Variants in MALT1 observed in about 807,000 individuals in gnomAD.
The protein encoded by MALT1 is mucosa-associated lymphoid tissue lymphoma translocation protein 1.
Under a neutral mutation model 85.5 loss-of-function variants are expected in MALT1, and 36 were observed. The ratio of observed to expected loss-of-function variants is 0.42; its 90% CI spans 0.32 to 0.56. The LOEUF (loss-of-function observed/expected upper bound fraction) is 0.56, where lower values mean the gene tolerates loss of function less well. Among genes scored for constraint, MALT1 ranks in the 20% least tolerant of loss-of-function variants. The probability of loss-of-function intolerance (pLI) is 0.10; values close to 1 mark genes in which losing one functional copy is unlikely to be tolerated. For synonymous variants in MALT1, 359 were observed against 361.3 expected, an observed-to-expected ratio of 0.99 and a Z score of 0.07; for missense variants, 716 against 981.6, an observed-to-expected ratio of 0.73 and a Z score of 3.62.
intron 3 of MALT1, among the ~76,000 whole-genome samples, chr18:58,698,039 T>TTTTTG (rs1161591200): frequency 6.2e-4 from 26 of 41,706 alleles, no homozygotes; most frequent in African/African-American, 1.5e-3. Context: ...CGTGGGGTTT[T>TTTTTG]TTGTTGTTGT....
At chr18:58,704,575 G>C (rs959700161) in intron 4 of MALT1, among the ~76,000 whole-genome samples, 33 of 152,146 alleles carry the variant, frequency 2.2e-4, no homozygotes, top group Non-Finnish European at 3.2e-4. Context: ...TCCTACCTCA[G>C]CCTCCTGAGT....
intron 2 of MALT1, among the ~76,000 whole-genome samples, chr18:58,688,761 G>C (rs1404657088): frequency 6.6e-6 from 1 of 152,006 alleles, no homozygotes; most frequent in Non-Finnish European, 1.5e-5. Flanking sequence ...TTCATGAGCC[G>C]TGTCCTGGTG....
intron 10 of MALT1, among the ~76,000 whole-genome samples, 181 bp downstream of exon 10, chr18:58,723,432 CATGTCTTTACTTTT>C (rs2055011895): frequency 6.6e-6 from 1 of 151,972 alleles, no homozygotes; most frequent in Non-Finnish European, 1.5e-5. Flanking sequence ...TAATTAGCTT[CATGTCTTTACTTTT>C]ATGTTTCCTG....
chr18:58,674,423 G>T (rs527311846), intron 1 of MALT1, among the ~76,000 whole-genome samples: 59 of 152,310 alleles, frequency 3.9e-4, no homozygotes, highest in African/African-American at 1.4e-3. Flanking sequence ...TGGGAAGTCT[G>T]ATGAGAGGCA....
At chr18:58,719,528 G>A (rs1435598506) in intron 9 of MALT1, among the ~76,000 whole-genome samples, 1 of 152,176 alleles carries the variant, frequency 6.6e-6, no homozygotes, top group Non-Finnish European at 1.5e-5. Flanking sequence ...AGTGGAAACT[G>A]TCAGAGCTTT....
intron 7 of MALT1, among the ~76,000 whole-genome samples, chr18:58,713,195 T>C (rs1381089517): frequency 1.3e-5 from 2 of 152,174 alleles, no homozygotes; most frequent in Admixed American, 6.6e-5. Context: ...ATTAAAAAAG[T>C]ATGAATAGTA....
At chr18:58,718,787 A>G (rs2054939945) in intron 9 of MALT1, among the ~76,000 whole-genome samples, 1 of 152,244 alleles carries the variant, frequency 6.6e-6, no homozygotes, top group African/African-American at 2.4e-5. Flanking sequence ...GAAATTGTTC[A>G]TAGAAGATGG....
chr18:58,694,721 T>G (rs2054562502), intron 2 of MALT1, among the ~76,000 whole-genome samples: 1 of 152,216 alleles, frequency 6.6e-6, no homozygotes, highest in South Asian at 2.1e-4. Context: ...AGGCTAGTAG[T>G]CCAGAAGTGG....
At chr18:58,719,626 G>A (rs1046925687) in intron 9 of MALT1, among the ~76,000 whole-genome samples, 1 of 152,186 alleles carries the variant, frequency 6.6e-6, no homozygotes, top group African/African-American at 2.4e-5. Flanking sequence ...TCACAGGTGG[G>A]GGTGACTGTA....
chr18:58,731,845 CCTT>C (rs537133562), intron 10 of MALT1, among the ~76,000 whole-genome samples: 5 of 152,144 alleles, frequency 3.3e-5, no homozygotes, highest in East Asian at 1.9e-4. Flanking sequence ...GGAACTTTGT[CCTT>C]CTTTTTTGTT....
chr18:58,710,031 A>T lies in MALT1; in HGVS notation c.884A>T (p.Asp295Val), dbSNP rs1321837187. ...QGTYWCHVYNDRDSQDSKKVE... is the reference protein window; with the variant it reads ...QGTYWCHVYNVRDSQDSKKVE... ...ACCTACTGGTGTCATGTATATAATG[A>T]TCGAGACAGTCAAGATAGCAAGAAG... The change falls in exon 6 of 17, where the codon GAT becomes GTT. Residue 295 changes from aspartate (D) to valine (V), a missense_variant. Coordinates refer to ENST00000649217, the MANE Select transcript of MALT1 (RefSeq NM_006785.4). The T allele has an allele frequency of 1.9e-6, 3 of 1,612,584 alleles. No homozygotes were observed. The East Asian group carries it at 6.7e-5, about 36-fold the overall frequency.
At chr18:58,699,741 A>G (rs1019108194) in intron 3 of MALT1, among the ~76,000 whole-genome samples, 15 of 152,202 alleles carry the variant, frequency 9.9e-5, no homozygotes, top group African/African-American at 3.6e-4. Context: ...GAGGCACTTG[A>G]GTAAGCCCCT....
At chr18:58,696,337 A>ATTTTTT in intron 2 of MALT1, 29 bp from the exon 3 acceptor site, 85 of 990,648 alleles carry the variant, frequency 8.6e-5, no homozygotes, top group Middle Eastern at 5.6e-4. Flanking sequence ...TGTGACTTTA[A>ATTTTTT]TTTTTTTTTT....
intron 9 of MALT1, among the ~76,000 whole-genome samples, chr18:58,720,985 A>G (rs558006151): frequency 8.7e-4 from 132 of 152,318 alleles, no homozygotes; most frequent in African/African-American, 3.0e-3. Flanking sequence ...TCCTTATTCT[A>G]ATAGCATTGA....
chr18:58,701,558 G>A (rs1461066853), intron 4 of MALT1, among the ~76,000 whole-genome samples: 2 of 152,108 alleles, frequency 1.3e-5, no homozygotes, highest in African/African-American at 2.4e-5. Flanking sequence ...ACAAAGCCTG[G>A]CAGGTAGTAG....
chr18:58,689,914 T>C (rs77846563), intron 2 of MALT1, among the ~76,000 whole-genome samples: 8,188 of 152,224 alleles, frequency 0.054, 352 homozygotes, highest in East Asian at 0.22. Flanking sequence ...AGGCCCAGTA[T>C]GGCTGGAGCT....
intron 9 of MALT1, among the ~76,000 whole-genome samples, chr18:58,719,292 G>A (rs1232811138): frequency 8.6e-6 from 1 of 116,602 alleles, no homozygotes; most frequent in Non-Finnish European, 1.6e-5. Flanking sequence ...GTGAAAGACT[G>A]TGAAGACTGA....
At chr18:58,675,646 A>G (rs1253643257) in intron 1 of MALT1, among the ~76,000 whole-genome samples, 1 of 152,220 alleles carries the variant, frequency 6.6e-6, no homozygotes, top group Non-Finnish European at 1.5e-5. Flanking sequence ...TGATTTAGGT[A>G]TTGTCAACCT....
At chr18:58,715,345 TAAAAGAAGA>T (rs1477356774) in intron 8 of MALT1, among the ~76,000 whole-genome samples, 4 of 152,196 alleles carry the variant, frequency 2.6e-5, no homozygotes, top group Admixed American at 1.3e-4. Context: ...AATTTAGGTT[TAAAAGAAGA>T]ATGTTGTATA....
Sources: gnomAD v4.1 joint callset for allele counts (sites outside exome capture counted in the v4.1 genomes callset) on GRCh38, gnomAD v4.1.1 for gene constraint, MANE v1.5 for transcripts, NCBI Gene and HGNC (gene_info 2026-07-23, HGNC 2026-07-21) for gene names.